Variants in CNOT10 observed in about 807,000 individuals in gnomAD.
The protein encoded by CNOT10 is CCR4-NOT transcription complex, subunit 10.
CNOT10 carries 30 observed loss-of-function variants against 94.6 expected under a neutral mutation model. That is an observed-to-expected ratio of 0.32 (90% confidence interval 0.24 to 0.43). The LOEUF is 0.43. Among genes scored for constraint, CNOT10 ranks in the 20% least tolerant of loss-of-function variants. The pLI, the probability that CNOT10 is intolerant of heterozygous loss-of-function variation, is 1.00. For missense variants in CNOT10, 759 were observed against 877.2 expected (o/e 0.87, Z 1.70); for synonymous variants, 289 against 301.6 (o/e 0.96, Z 0.43).
intron 13 of CNOT10, among the ~76,000 whole-genome samples, chr3:32,742,184 G>C (rs1006767704): frequency 6.6e-6 from 1 of 151,880 alleles, no homozygotes; most frequent in Non-Finnish European, 1.5e-5. Flanking sequence ...TCTTGACCTC[G>C]TGATCCACCG....
intron 1 of CNOT10, among the ~76,000 whole-genome samples, chr3:32,687,452 GTTTTTT>G (rs56091219): frequency 3.3e-5 from 2 of 60,400 alleles, no homozygotes; most frequent in Admixed American, 2.9e-4. Context: ...TTTTTTTTTT[GTTTTTT>G]TTTTTTTTTT....
At chr3:32,724,900 A>G (rs1698599080) in intron 8 of CNOT10, among the ~76,000 whole-genome samples, 1 of 152,196 alleles carries the variant, frequency 6.6e-6, no homozygotes, top group African/African-American at 2.4e-5. Context: ...TTCACTTAAT[A>G]TGCTTTGGTT....
In CNOT10 at chr3:32,725,546, T is replaced by A; in HGVS notation, c.959T>A (p.Leu320Gln). The change falls in exon 9 of 19, where the codon CTG becomes CAG. Residue 320 changes from leucine (L) to glutamine (Q), a missense_variant. Physicochemically the swap from Leu to Gln is moderately radical, Grantham distance 113. This residue lies in a region of CNOT10 where 682 missense variants were observed against 799.4 expected (regional missense o/e 0.85). Transcript: ENST00000328834. ...NLGIFYFKKALQENDNVCAQL... is the reference protein window; with the variant it reads ...NLGIFYFKKAQQENDNVCAQL... ...GGAATATTCTACTTTAAAAAGGCTC[T>A]GCAAGAGAATGACAATGTCTGTGCA... 6.2e-7 allele frequency: 1 copy of A among 1,614,190 alleles called. No individual in the cohort carries two copies. The highest frequency in any genetic ancestry group is 8.5e-7 in the Non-Finnish European group (1 of 1,180,000).
At position 32,764,818 on chromosome 3, in the gene CNOT10, A is replaced by G; in HGVS notation, c.2004+9A>G. Reference sequence around the variant, plus strand: ...GAAAGTGTCTCCACCAGGTGAGTCCAGAGTGGGAGGAACTGAACCTTGTAA... The same window carrying G: ...GAAAGTGTCTCCACCAGGTGAGTCCGGAGTGGGAGGAACTGAACCTTGTAA... On this transcript the variant is annotated intron_variant, in intron 17 of 18. Coordinates refer to ENST00000328834, the MANE Select transcript of CNOT10 (RefSeq NM_015442.3). The G allele has an allele frequency of 6.2e-7, 1 of 1,613,448 alleles. No homozygotes were observed. Among genetic ancestry groups the G allele is most frequent in the Non-Finnish European group, 8.5e-7 (1 of 1,179,868 alleles).
rs1320680968 is a variant in CNOT10, at chr3:32,764,765, T to G, written c.1960T>G (p.Cys654Gly). 6 of 1,614,060 alleles carry G rather than the reference T, an allele frequency of 3.7e-6. No homozygotes were observed. Among genetic ancestry groups the G allele is most frequent in the Non-Finnish European group, 5.1e-6 (6 of 1,180,028 alleles). Residue 654 changes from cysteine (C) to glycine (G), a missense_variant, in exon 17 of 19, where the codon TGC becomes GGC. Cys to Gly is a radical substitution (Grantham distance 159). Transcript: ENST00000328834. ...VMLFNLGSAY[C>G]LRSEYDKARK... ...GCTGTTCAACCTTGGCAGCGCTTAC[T>G]GCCTGAGGAGCGAATATGACAAAGC...
intron 18 of CNOT10, among the ~76,000 whole-genome samples, chr3:32,770,277 G>A (rs1036371583): frequency 2.0e-5 from 3 of 149,786 alleles, no homozygotes; most frequent in Non-Finnish European, 4.4e-5. Flanking sequence ...CTAGTAGCTG[G>A]GATGACAAGC....
At chr3:32,689,071 G>A (rs1057263123) in intron 1 of CNOT10, among the ~76,000 whole-genome samples, 1 of 152,154 alleles carries the variant, frequency 6.6e-6, no homozygotes, top group African/African-American at 2.4e-5. Flanking sequence ...AGGGCCTGCT[G>A]GCGGGTGCCT....
Position 32,690,088 on chromosome 3 carries a change from C to T in CNOT10, c.22+4606C>T, listed in dbSNP as rs561933081. On this transcript the variant is annotated intron_variant, in intron 1 of 18. Coordinates refer to ENST00000328834, the MANE Select transcript of CNOT10 (RefSeq NM_015442.3). ...ACAGGCCATGGAGGGAGTTTGAATT[C>T]ATTTTAACTAATGGGAAGAGAGTGG... 3.9e-5 allele frequency among the ~76,000 whole-genome samples: 6 copies of T among 152,254 alleles called. No individual in the cohort carries two copies. The South Asian group carries it at 8.3e-4, about 21-fold the overall frequency.
Position 32,764,496 on chromosome 3 carries a change from TAAG to T in CNOT10, c.1876+10_1876+12del, listed in dbSNP as rs1441865659. ...AAATGAAGCAATGGAATCCTGTAAGTAAGAAGTTTTGTGATACTTAAGTAGCCT... is the reference window on the plus strand; with the variant it reads ...AAATGAAGCAATGGAATCCTGTAAGTAAGTTTTGTGATACTTAAGTAGCCT... On this transcript the variant is annotated splice_region_variant and intron_variant, in intron 16 of 18. Transcript: ENST00000328834. 8.1e-6 allele frequency: 13 copies of T among 1,613,216 alleles called. 1 individual carries two copies. The South Asian group carries it at 1.2e-4, about 15-fold the overall frequency.
Position 32,695,966 on chromosome 3 carries a change from A to AGTGT in CNOT10, c.23-7901_23-7900insTGTG, listed in dbSNP as rs1374247638. 374 of 616,576 alleles carry AGTGT rather than the reference A, an allele frequency of 6.1e-4. 4 individuals carry two copies. Among genetic ancestry groups the AGTGT allele is most frequent in the African/African-American group, 2.1e-3 (92 of 44,202 alleles). The allele number at this position is 616,576 out of a possible 1,614,324, so 38.2% of individuals were successfully genotyped here. On this transcript the variant is annotated intron_variant, in intron 1 of 18. Coordinates refer to ENST00000328834, the MANE Select transcript of CNOT10 (RefSeq NM_015442.3). ...GAAAATAAAAATAATCCTGTTGAAG[A>AGTGT]GAGTGTGTGTGTGTGTGTGTGTGTG...
chr3:32,767,795 G>C (rs1435946092), intron 17 of CNOT10, among the ~76,000 whole-genome samples: 1 of 152,088 alleles, frequency 6.6e-6, no homozygotes, highest in East Asian at 1.9e-4. Context: ...CAGTAACAAG[G>C]CTAGGGTGTT....
intron 10 of CNOT10, among the ~76,000 whole-genome samples, chr3:32,729,704 A>C (rs188209456): frequency 8.6e-5 from 13 of 151,488 alleles, no homozygotes; most frequent in African/African-American, 3.2e-4. Context: ...TTAAAAGACA[A>C]CTTTCTTATT....
At chr3:32,715,442 A>G (rs1298809904) in intron 5 of CNOT10, among the ~76,000 whole-genome samples, 1 of 152,204 alleles carries the variant, frequency 6.6e-6, no homozygotes, top group Non-Finnish European at 1.5e-5. Flanking sequence ...AGAAATGCAG[A>G]GGAGAGCAGT....
intron 13 of CNOT10, among the ~76,000 whole-genome samples, chr3:32,738,658 T>C (rs1283953269): frequency 6.6e-6 from 1 of 151,944 alleles, no homozygotes; most frequent in Non-Finnish European, 1.5e-5. Context: ...GAGACAGGGT[T>C]TCACCGTGTT....
At chr3:32,718,834 G>T (rs969980352) in intron 7 of CNOT10, among the ~76,000 whole-genome samples, 2 of 152,116 alleles carry the variant, frequency 1.3e-5, no homozygotes, top group Admixed American at 6.6e-5. Flanking sequence ...GAATAAATAG[G>T]CCAGGCGTGA....
intron 10 of CNOT10, chr3:32,730,909 C>G (rs1698912624): frequency 6.6e-6 from 1 of 152,170 alleles, no homozygotes; most frequent in African/African-American, 2.4e-5. Context: ...TAAAACTTAT[C>G]TGGCACACTT....
chr3:32,740,439 ACT>A (rs1309191249), intron 13 of CNOT10, among the ~76,000 whole-genome samples: 4 of 152,012 alleles, frequency 2.6e-5, no homozygotes, highest in Non-Finnish European at 4.4e-5. Flanking sequence ...TAGACAACAG[ACT>A]CTGTCTCAAA....
Position 32,685,194 on chromosome 3 carries a change from T to C in CNOT10, c.-267T>C, listed in dbSNP as rs1205634648. Reference sequence around the variant, plus strand: ...GGCTGCCGCCCCCGGAAGTAGTGGGTACCGGGACGCCGTGAGGCGGAAGCT... The same window carrying C: ...GGCTGCCGCCCCCGGAAGTAGTGGGCACCGGGACGCCGTGAGGCGGAAGCT... On this transcript the variant is annotated 5_prime_UTR_variant, in exon 1 of 19. Transcript: ENST00000328834. 3 of 383,788 alleles carry C rather than the reference T, an allele frequency of 7.8e-6. No individual in the cohort carries two copies. Among genetic ancestry groups the C allele is most frequent in the African/African-American group, 2.1e-5 (1 of 46,720 alleles). 23.8% of individuals were successfully genotyped at this position (383,788 alleles called of 1,614,324 possible).
intron 7 of CNOT10, among the ~76,000 whole-genome samples, chr3:32,718,662 AAT>A (rs1698237046): frequency 6.6e-6 from 1 of 151,836 alleles, no homozygotes; most frequent in African/African-American, 2.4e-5. Context: ...ATTGAAAATT[AAT>A]AGTCATCCTA....
Sources: allele counts gnomAD v4.1 joint callset (sites outside exome capture counted in the v4.1 genomes callset), GRCh38; gene constraint gnomAD v4.1.1; regional missense constraint gnomAD v4.1.1; transcripts MANE v1.5; gene names NCBI Gene and HGNC (gene_info 2026-07-23, HGNC 2026-07-21).